FBXW2: variants seen among roughly 807,000 people sequenced by gnomAD.
The protein encoded by FBXW2 is F-box/WD repeat-containing protein 2.
FBXW2 carries 12 observed loss-of-function variants against 46.0 expected under a neutral mutation model. That is an observed-to-expected ratio of 0.26 (90% CI 0.17 to 0.42). FBXW2 has a LOEUF of 0.42. FBXW2 is among the 10% of genes least tolerant of loss of function. FBXW2 has a pLI of 1.00. For synonymous variants in FBXW2, 203 were observed against 209.6 expected, an observed-to-expected ratio of 0.97 and a Z score of 0.27; for missense variants, 360 against 537.0, an observed-to-expected ratio of 0.67 and a Z score of 3.26.
At position 120,778,549 on chromosome 9, in the gene FBXW2, C is replaced by A. The variant is rs773167512; in HGVS notation, c.491-4G>T. On this transcript the variant is annotated splice_polypyrimidine_tract_variant and splice_region_variant and intron_variant, in intron 3 of 7. Coordinates refer to ENST00000608872, the MANE Select transcript of FBXW2 (RefSeq NM_012164.4). ...TTTGCAGACAAGTCATCTGACCCTTCAAGAGAAAAACAGGGAGGTTAATAA... is the reference window on the plus strand; with the variant it reads ...TTTGCAGACAAGTCATCTGACCCTTAAAGAGAAAAACAGGGAGGTTAATAA... The A allele has an allele frequency of 8.7e-6, 14 of 1,608,080 alleles. No individual in the cohort carries two copies. In the South Asian group the frequency reaches 1.4e-4, roughly 17 times the overall value.
In FBXW2 at chr9:120,778,347, C is replaced by T. The variant is rs2044543216; in HGVS notation, c.685+4G>A. Reference sequence around the variant, plus strand: ...GTAAAAACCCTTGAAAAAGGGCAACCCACCCGCCCCCGTGTGCCCCCGAAA... The same window carrying T: ...GTAAAAACCCTTGAAAAAGGGCAACTCACCCGCCCCCGTGTGCCCCCGAAA... On this transcript the variant is annotated splice_donor_region_variant and intron_variant, in intron 4 of 7. Coordinates refer to ENST00000608872, the MANE Select transcript of FBXW2 (RefSeq NM_012164.4). 2 of 1,609,696 alleles carry T rather than the reference C, an allele frequency of 1.2e-6. No individual in the cohort carries two copies. The highest frequency in any genetic ancestry group is 1.3e-5 in the African/African-American group (1 of 74,746).
At chr9:120,777,277 A>T (rs977181651) in intron 4 of FBXW2, among the ~76,000 whole-genome samples, 1 of 152,248 alleles carries the variant, frequency 6.6e-6, no homozygotes, top group Non-Finnish European at 1.5e-5. Flanking sequence ...AATTTCTAAC[A>T]AGTGGTAGCA....
At chr9:120,781,368 A>G (rs1337639427) in intron 3 of FBXW2, among the ~76,000 whole-genome samples, 8 of 152,216 alleles carry the variant, frequency 5.3e-5, no homozygotes, top group African/African-American at 1.9e-4. Context: ...GGAGTTATTT[A>G]CAATGCTTGT....
chr9:120,783,057 A>G (rs1049012133), intron 3 of FBXW2, among the ~76,000 whole-genome samples: 2 of 152,210 alleles, frequency 1.3e-5, no homozygotes, highest in African/African-American at 2.4e-5. Context: ...ATGCTTTAAA[A>G]TGATTAAAAT....
Position 120,762,063 on chromosome 9 carries a change from G to A in FBXW2, c.*2496C>T, listed in dbSNP as rs2044203831. 2 of 152,482 alleles carry A rather than the reference G, an allele frequency of 1.3e-5. No homozygotes were observed. Among genetic ancestry groups the A allele is most frequent in the Middle Eastern group, 3.4e-3 (1 of 296 alleles). The allele number at this position is 152,482 out of a possible 1,614,324, so 9.4% of individuals were successfully genotyped here. A position where few individuals can be genotyped will look rare whatever the true frequency, so the allele number is the denominator to read the frequency against. ...TCGATAAAAAGTAAAAACTCGGCCA[G>A]GCGTGGTGGCTCACGCCTGTAATCC... On this transcript the variant is annotated 3_prime_UTR_variant, in exon 8 of 8. Coordinates refer to ENST00000608872, the MANE Select transcript of FBXW2 (RefSeq NM_012164.4).
chr9:120,778,749 T>C (rs2044551364), intron 3 of FBXW2, among the ~76,000 whole-genome samples: 1 of 152,182 alleles, frequency 6.6e-6, no homozygotes. Flanking sequence ...TAGGACAGAA[T>C]CCAAGCTTTT....
chr9:120,788,184 T>C lies in FBXW2; in HGVS notation c.75A>G (p.Lys25=), dbSNP rs764573421. ...VTFLSLTDLQ[K]NETLDHLISL... ...TAATCAGGTGATCCAGAGTTTCATTTTTCTGCAAGTCCGTCAGAGAAAGAA... is the reference window on the plus strand; with the variant it reads ...TAATCAGGTGATCCAGAGTTTCATTCTTCTGCAAGTCCGTCAGAGAAAGAA... The change falls in exon 3 of 8, where the codon AAA becomes AAG. Residue 25 remains lysine (K), a synonymous_variant. Coordinates refer to ENST00000608872, the MANE Select transcript of FBXW2 (RefSeq NM_012164.4). 1.2e-5 allele frequency: 19 copies of C among 1,614,094 alleles called. No homozygotes were observed. Among genetic ancestry groups the C allele is most frequent in the Non-Finnish European group, 1.4e-5 (17 of 1,180,054 alleles).
intron 4 of FBXW2, 91 bp from the exon 5 acceptor site, chr9:120,776,317 A>T: frequency 7.0e-7 from 1 of 1,427,066 alleles, no homozygotes. Context: ...CCCCAATTAT[A>T]TAATTTCCCA....
In FBXW2 at chr9:120,761,790, T is replaced by C. The variant is rs558427985; in HGVS notation, c.*2769A>G. On this transcript the variant is annotated 3_prime_UTR_variant, in exon 8 of 8. Transcript: ENST00000608872. The stretch of plus-strand genomic sequence containing the variant: ...TGATGCCACTGTACTCCAGCCTGTA[T>C]GACAGAGCAAGACTGCCTAGGAAAA... 2 of 151,990 alleles carry C rather than the reference T, an allele frequency of 1.3e-5. No homozygotes were observed. Among genetic ancestry groups the C allele is most frequent in the South Asian group, 4.2e-4 (2 of 4,818 alleles). The allele number at this position is 151,990 out of a possible 1,614,324, so 9.4% of individuals were successfully genotyped here.
chr9:120,764,628 C>G lies in FBXW2; in HGVS notation c.1296G>C (p.Thr432=). ...GCATGCTGGTGGCAAAGACCAAGCC[C>G]GTGTCATTGTGCCCATCCAGTCCAT... is the stretch of plus-strand genomic sequence containing the variant. ...WLNGLDGHND[T]GLVFATSMPD... Residue 432 remains threonine (T), a synonymous_variant, in exon 8 of 8, where the codon ACG becomes ACC. Transcript: ENST00000608872. The G allele has an allele frequency of 1.2e-6, 2 of 1,614,176 alleles. No homozygotes were observed. The highest frequency in any genetic ancestry group is 1.7e-6 in the Non-Finnish European group (2 of 1,180,032).
At chr9:120,770,960 A>G (rs540169619) in intron 7 of FBXW2, among the ~76,000 whole-genome samples, 4 of 152,352 alleles carry the variant, frequency 2.6e-5, no homozygotes, top group East Asian at 1.9e-4. Context: ...AGATACCACT[A>G]AAGTTTACCA....
rs1252072190 is a variant in FBXW2, at chr9:120,762,360, T to TA, written c.*2198dup. 6.6e-6 allele frequency: 1 copy of TA among 150,414 alleles called. No homozygotes were observed. The highest frequency in any genetic ancestry group is 1.5e-5 in the Non-Finnish European group (1 of 67,556). 9.3% of individuals were successfully genotyped at this position (150,414 alleles called of 1,614,324 possible). A position where few individuals can be genotyped will look rare whatever the true frequency, so the allele number is the denominator to read the frequency against. ...TGTCTCAAAAAAAAAAAAATAATAATAAAGTAAAAAGTCATTTACCATCAT... is the reference window on the plus strand; with the variant it reads ...TGTCTCAAAAAAAAAAAAATAATAATAAAAGTAAAAAGTCATTTACCATCAT... On this transcript the variant is annotated 3_prime_UTR_variant, in exon 8 of 8. Coordinates refer to ENST00000608872, the MANE Select transcript of FBXW2 (RefSeq NM_012164.4).
At chr9:120,778,099 G>GAA (rs1348525214) in intron 4 of FBXW2, among the ~76,000 whole-genome samples, 3 of 151,630 alleles carry the variant, frequency 2.0e-5, no homozygotes, top group Non-Finnish European at 4.4e-5. Context: ...GAGAGAGAGA[G>GAA]AAACAGAGAG....
chr9:120,790,230 G>A (rs1241510397), intron 2 of FBXW2, among the ~76,000 whole-genome samples: 3 of 152,208 alleles, frequency 2.0e-5, no homozygotes, highest in Non-Finnish European at 4.4e-5. Flanking sequence ...TGTAATCACA[G>A]CACTTTGTGA....
chr9:120,771,563 C>A (rs376110741), intron 6 of FBXW2, 46 bp from the exon 7 acceptor site: 26 of 1,533,686 alleles, frequency 1.7e-5, no homozygotes, highest in Admixed American at 9.5e-5. Context: ...CACATCACTA[C>A]AGAAAAGCTT....
At chr9:120,774,453 A>G (rs2044449333) in intron 5 of FBXW2, among the ~76,000 whole-genome samples, 1 of 151,958 alleles carries the variant, frequency 6.6e-6, no homozygotes. Flanking sequence ...TCAAAGTTGC[A>G]GAGAGCTATG....
chr9:120,768,667 AC>A (rs1185367711), intron 7 of FBXW2, among the ~76,000 whole-genome samples: 1 of 152,004 alleles, frequency 6.6e-6, no homozygotes. Context: ...CTAAAAATAC[AC>A]AAAATTAGCT....
At chr9:120,771,269 CCAAA>C (rs1316755903) in intron 7 of FBXW2, 75 bp downstream of exon 7, 6 of 1,376,826 alleles carry the variant, frequency 4.4e-6, no homozygotes, top group Non-Finnish European at 4.0e-6. Context: ...ACTGGTACAT[CCAAA>C]CATTTAGTCT....
At position 120,793,336 on chromosome 9, in the gene FBXW2, C is replaced by G. The variant is rs1168816812; in HGVS notation, c.-130+18G>C. ...CCTAAGAGTCCCCTCCCCGACCGGCCCCGCCTCGCATACAGACCCGGACCT... is the reference window on the plus strand; with the variant it reads ...CCTAAGAGTCCCCTCCCCGACCGGCGCCGCCTCGCATACAGACCCGGACCT... On this transcript the variant is annotated intron_variant, in intron 1 of 7. Transcript: ENST00000608872. 1 of 425,344 alleles carries G rather than the reference C, an allele frequency of 2.4e-6. No individual in the cohort carries two copies. Among genetic ancestry groups the G allele is most frequent in the African/African-American group, 2.1e-5 (1 of 48,750 alleles). 26.3% of individuals were successfully genotyped at this position (425,344 alleles called of 1,614,324 possible). A position where few individuals can be genotyped will look rare whatever the true frequency, so the allele number is the denominator to read the frequency against.
Sources: gnomAD v4.1 joint callset for allele counts (sites outside exome capture counted in the v4.1 genomes callset) on GRCh38, gnomAD v4.1.1 for gene constraint, MANE v1.5 for transcripts, NCBI Gene and HGNC (gene_info 2026-07-23, HGNC 2026-07-21) for gene names.